Variants in DCC observed in about 807,000 individuals in gnomAD.
The protein encoded by DCC is DCC netrin 1 receptor, also known as netrin receptor DCC.
Under a neutral mutation model 172.5 loss-of-function variants are expected in DCC, and 58 were observed. The ratio of observed to expected loss-of-function variants is 0.34; its 90% CI spans 0.27 to 0.42. The LOEUF is 0.42. Ranked by LOEUF, DCC falls within the 10% of genes least tolerant of loss-of-function variation. DCC has a pLI of 1.00. For missense variants in DCC, 1,740 were observed against 1,791.0 expected, an observed-to-expected ratio of 0.97 and a Z score of 0.51; for synonymous variants, 709 against 644.5, an observed-to-expected ratio of 1.10 and a Z score of -1.52.
At chr18:52,701,198 C>T (rs374888051) in intron 1 of DCC, among the ~76,000 whole-genome samples, 6 of 152,262 alleles carry the variant, frequency 3.9e-5, no homozygotes, top group African/African-American at 1.4e-4. Flanking sequence ...TTTACCTTGA[C>T]TTTGCTAATA....
intron 12 of DCC, among the ~76,000 whole-genome samples, chr18:53,222,772 T>G (rs1015986504): frequency 6.6e-6 from 1 of 152,166 alleles, no homozygotes; most frequent in Non-Finnish European, 1.5e-5. Context: ...TATTAAAGGC[T>G]ATGAGAAGTA....
At chr18:53,515,536 A>C (rs1473990223) in intron 27 of DCC, among the ~76,000 whole-genome samples, 6 of 146,348 alleles carry the variant, frequency 4.1e-5, no homozygotes, top group African/African-American at 1.5e-4. Context: ...ACATGATTGT[A>C]TATCTAGAAA....
intron 2 of DCC, among the ~76,000 whole-genome samples, chr18:52,878,666 T>C (rs2039437085): frequency 6.6e-6 from 1 of 152,244 alleles, no homozygotes. Context: ...TTTTTACTTA[T>C]TTGTTTATTA....
intron 2 of DCC, among the ~76,000 whole-genome samples, chr18:52,904,149 T>C (rs756976558): frequency 1.3e-5 from 2 of 152,192 alleles, no homozygotes; most frequent in Non-Finnish European, 2.9e-5. Context: ...AATTTTAGAA[T>C]ATATATGTGA....
chr18:52,590,736 CT>C (rs1408201767), intron 1 of DCC, among the ~76,000 whole-genome samples: 1 of 152,242 alleles, frequency 6.6e-6, no homozygotes, highest in Non-Finnish European at 1.5e-5. Context: ...CATGGTAACA[CT>C]GATTTCTGTG....
chr18:52,645,711 C>T (rs1173245125), intron 1 of DCC, among the ~76,000 whole-genome samples: 1 of 152,196 alleles, frequency 6.6e-6, no homozygotes, highest in Non-Finnish European at 1.5e-5. Context: ...CTTAAGTATA[C>T]ATCTACCATG....
At chr18:53,175,502 C>A (rs896874242) in intron 8 of DCC, among the ~76,000 whole-genome samples, 94 of 150,472 alleles carry the variant, frequency 6.2e-4, no homozygotes, top group East Asian at 4.8e-3. Flanking sequence ...AATCAATGTA[C>A]AAAAATCACA....
At chr18:52,363,671 T>C (rs1253289672) in intron 1 of DCC, among the ~76,000 whole-genome samples, 1 of 152,172 alleles carries the variant, frequency 6.6e-6, no homozygotes, top group East Asian at 1.9e-4. Flanking sequence ...AAATATATAT[T>C]TAAGCCATTT....
chr18:53,317,615 T>G lies in DCC; in HGVS notation c.2054-4432T>G, dbSNP rs531174684. 5.9e-5 allele frequency among the ~76,000 whole-genome samples: 9 copies of G among 152,302 alleles called. No homozygotes were observed. The East Asian group carries it at 1.7e-3, about 29-fold the overall frequency. On this transcript the variant is annotated intron_variant, in intron 13 of 28. Coordinates refer to ENST00000442544, the MANE Select transcript of DCC (RefSeq NM_005215.4). Reference sequence around the variant, plus strand: ...CTATAAATCCATCTGGTCCCAGGCTTTTTTTGGTTGGTAGGCTATTTCTGC... The same window carrying G: ...CTATAAATCCATCTGGTCCCAGGCTGTTTTTGGTTGGTAGGCTATTTCTGC...
intron 2 of DCC, among the ~76,000 whole-genome samples, chr18:52,776,722 C>A (rs1193595756): frequency 1.5e-5 from 2 of 136,534 alleles, no homozygotes; most frequent in African/African-American, 5.4e-5. Context: ...ACATACATAC[C>A]AAAACATACT....
At chr18:52,747,396 A>G (rs925357788) in intron 1 of DCC, among the ~76,000 whole-genome samples, 5 of 152,250 alleles carry the variant, frequency 3.3e-5, no homozygotes, top group African/African-American at 1.2e-4. Context: ...CTTCTCCATT[A>G]GGTTTTCACC....
chr18:52,446,869 T>A (rs1191774309), intron 1 of DCC, among the ~76,000 whole-genome samples: 1 of 152,222 alleles, frequency 6.6e-6, no homozygotes, highest in Non-Finnish European at 1.5e-5. Flanking sequence ...CAGTTTTAAA[T>A]CTTGGGTTTA....
chr18:53,514,344 G>C (rs1057438788), intron 27 of DCC, among the ~76,000 whole-genome samples: 78 of 152,080 alleles, frequency 5.1e-4, no homozygotes, highest in African/African-American at 1.8e-3. Flanking sequence ...CCACAAGAGA[G>C]AGCAGGAAAG....
chr18:52,395,255 A>G (rs1366071411), intron 1 of DCC, among the ~76,000 whole-genome samples: 1 of 152,066 alleles, frequency 6.6e-6, no homozygotes, highest in Non-Finnish European at 1.5e-5. Context: ...ATTGGCTAGG[A>G]AAGGAGGTGT....
chr18:53,047,701 A>T (rs2042275495), intron 5 of DCC, among the ~76,000 whole-genome samples: 1 of 151,230 alleles, frequency 6.6e-6, no homozygotes. Context: ...TACAGCAGAG[A>T]GATAATCTTT....
intron 7 of DCC, among the ~76,000 whole-genome samples, chr18:53,080,347 A>C (rs1436107809): frequency 6.6e-6 from 1 of 152,134 alleles, no homozygotes; most frequent in African/African-American, 2.4e-5. Flanking sequence ...AGTCCTTTGA[A>C]GGCCCATGTC....
intron 1 of DCC, among the ~76,000 whole-genome samples, chr18:52,725,286 C>T (rs1340219123): frequency 6.6e-6 from 1 of 152,188 alleles, no homozygotes; most frequent in Non-Finnish European, 1.5e-5. Flanking sequence ...AGTACACATT[C>T]CATTTCCCTC....
At chr18:53,194,886 T>C (rs1181080049) in intron 9 of DCC, among the ~76,000 whole-genome samples, 1 of 152,242 alleles carries the variant, frequency 6.6e-6, no homozygotes, top group African/African-American at 2.4e-5. Flanking sequence ...CATGTTCTTC[T>C]AACAATACTG....
At chr18:52,629,076 G>A (rs186341403) in intron 1 of DCC, among the ~76,000 whole-genome samples, 59 of 152,316 alleles carry the variant, frequency 3.9e-4, no homozygotes, top group Non-Finnish European at 5.0e-4. Context: ...CTAGGGGAAT[G>A]TCTACTCACT....
Sources: gnomAD v4.1 joint callset for allele counts (sites outside exome capture counted in the v4.1 genomes callset) on GRCh38, gnomAD v4.1.1 for gene constraint, MANE v1.5 for transcripts, NCBI Gene and HGNC (gene_info 2026-07-23, HGNC 2026-07-21) for gene names.